Variants in DACH1 observed in about 807,000 individuals in gnomAD.
The protein encoded by DACH1 is dachshund homolog 1.
A neutral mutation model predicts 54.2 loss-of-function variants in DACH1; 12 were observed. The observed-to-expected ratio is 0.22, with a 90% CI of 0.14 to 0.36. The LOEUF is 0.36. Among genes scored for constraint, DACH1 ranks in the 10% least tolerant of loss-of-function variants. The pLI is 1.00. For synonymous variants in DACH1, 386 were observed against 366.2 expected, an observed-to-expected ratio of 1.05 and a Z score of -0.62; for missense variants, 805 against 929.8, an observed-to-expected ratio of 0.87 and a Z score of 1.75.
chr13:71,707,751 G>A (rs1366287380), intron 1 of DACH1, among the ~76,000 whole-genome samples: 2 of 152,100 alleles, frequency 1.3e-5, no homozygotes, highest in Non-Finnish European at 2.9e-5. Flanking sequence ...TGGTGTAAAC[G>A]TAAAGTTGGA....
At chr13:71,843,844 G>T (rs1873046881) in intron 1 of DACH1, among the ~76,000 whole-genome samples, 1 of 152,160 alleles carries the variant, frequency 6.6e-6, no homozygotes, top group Admixed American at 6.5e-5. Context: ...ATATGTTTAT[G>T]GTGCAGGTTA....
intron 1 of DACH1, among the ~76,000 whole-genome samples, chr13:71,753,330 C>G (rs900321868): frequency 6.6e-6 from 1 of 152,148 alleles, no homozygotes; most frequent in Admixed American, 6.5e-5. Flanking sequence ...TTAGTCTACA[C>G]AGTGTATTAC....
intron 2 of DACH1, among the ~76,000 whole-genome samples, chr13:71,632,722 C>T (rs375022912): frequency 6.7e-4 from 102 of 152,190 alleles, no homozygotes; most frequent in African/African-American, 2.2e-3. Context: ...TTCACCCCAA[C>T]GCAACAAGAC....
intron 6 of DACH1, among the ~76,000 whole-genome samples, chr13:71,514,216 C>A (rs900597445): frequency 6.6e-6 from 1 of 151,786 alleles, no homozygotes; most frequent in African/African-American, 2.4e-5. Context: ...ATAGTATAAG[C>A]TAAGAAGTGG....
intron 1 of DACH1, among the ~76,000 whole-genome samples, chr13:71,821,837 C>T (rs989838757): frequency 1.3e-5 from 2 of 151,912 alleles, no homozygotes; most frequent in Admixed American, 1.3e-4. Context: ...CTGAGGCAGG[C>T]GGATCACAAG....
At chr13:71,656,235 G>A (rs1284726525) in intron 2 of DACH1, among the ~76,000 whole-genome samples, 1 of 151,986 alleles carries the variant, frequency 6.6e-6, no homozygotes, top group Non-Finnish European at 1.5e-5. Context: ...TCATTACTTG[G>A]GCATTCCCTG....
chr13:71,488,860 C>A, intron 7 of DACH1, 137 bp downstream of exon 7: 1 of 624,626 alleles, frequency 1.6e-6, no homozygotes, highest in Non-Finnish European at 2.6e-6. Context: ...GGTTTAAAAT[C>A]TAAGTTGCTT....
chr13:71,701,544 T>C (rs997341785), intron 1 of DACH1, among the ~76,000 whole-genome samples: 1 of 151,890 alleles, frequency 6.6e-6, no homozygotes, highest in East Asian at 1.9e-4. Flanking sequence ...AAAAATCAAA[T>C]AAAAAAGGAA....
At chr13:71,652,925 C>T (rs547095885) in intron 2 of DACH1, among the ~76,000 whole-genome samples, 71 of 152,194 alleles carry the variant, frequency 4.7e-4, no homozygotes, top group Middle Eastern at 3.4e-3. Flanking sequence ...ATGACCAGTA[C>T]AGAACATAAT....
chr13:71,741,570 G>A (rs1187906463), intron 1 of DACH1, among the ~76,000 whole-genome samples: 1 of 151,900 alleles, frequency 6.6e-6, no homozygotes, highest in African/African-American at 2.4e-5. Flanking sequence ...CCCTCAAAAT[G>A]CTTGATAAAA....
chr13:71,462,905 CACACACACACAT>C (rs202117318), intron 10 of DACH1, among the ~76,000 whole-genome samples: 8,844 of 104,742 alleles, frequency 0.084, 339 homozygotes, highest in East Asian at 0.2. Flanking sequence ...CACACACACA[CACACACACACAT>C]AAACCATGAA....
chr13:71,483,858 C>T (rs956278751), intron 7 of DACH1, among the ~76,000 whole-genome samples: 2 of 152,050 alleles, frequency 1.3e-5, no homozygotes, highest in African/African-American at 2.4e-5. Context: ...ATCTGCTATA[C>T]AGGTACATAG....
intron 2 of DACH1, among the ~76,000 whole-genome samples, chr13:71,665,827 ATTAT>A (rs1267290603): frequency 6.6e-6 from 1 of 152,108 alleles, no homozygotes; most frequent in Non-Finnish European, 1.5e-5. Flanking sequence ...AAGATTTATA[ATTAT>A]TTATCACTGA....
intron 5 of DACH1, among the ~76,000 whole-genome samples, 157 bp from the exon 6 acceptor site, chr13:71,557,315 T>C (rs534943301): frequency 7.9e-5 from 12 of 152,242 alleles, no homozygotes; most frequent in Non-Finnish European, 1.6e-4. Context: ...CTAAAAACAC[T>C]GTGATAACTG....
intron 7 of DACH1, among the ~76,000 whole-genome samples, chr13:71,482,049 GGT>G (rs1878083618): frequency 6.6e-6 from 1 of 152,126 alleles, no homozygotes; most frequent in Non-Finnish European, 1.5e-5. Flanking sequence ...TACTGAAGTC[GGT>G]TAATGACAAG....
chr13:71,855,648 T>C (rs950102370), intron 1 of DACH1, among the ~76,000 whole-genome samples: 5 of 152,040 alleles, frequency 3.3e-5, no homozygotes, highest in African/African-American at 9.6e-5. Context: ...ATATCTTTTA[T>C]GCATCCAGTT....
intron 6 of DACH1, among the ~76,000 whole-genome samples, chr13:71,520,353 C>T (rs375744082): frequency 2.0e-4 from 31 of 151,498 alleles, no homozygotes; most frequent in Non-Finnish European, 3.0e-5. Context: ...TTGTAAAATG[C>T]TATTGCAATT....
At chr13:71,457,735 TAATAA>T (rs1875707968) in intron 10 of DACH1, among the ~76,000 whole-genome samples, 2 of 151,938 alleles carry the variant, frequency 1.3e-5, no homozygotes, top group African/African-American at 4.8e-5. Flanking sequence ...CTTCTCAGAG[TAATAA>T]AATCAAGATT....
intron 1 of DACH1, among the ~76,000 whole-genome samples, chr13:71,820,156 T>C (rs2138179638): frequency 7.8e-6 from 1 of 127,948 alleles, no homozygotes; most frequent in Non-Finnish European, 1.7e-5. Context: ...AATCACAGAA[T>C]GATATGAAGG....
Sources: allele counts gnomAD v4.1 joint callset (sites outside exome capture counted in the v4.1 genomes callset), GRCh38; gene constraint gnomAD v4.1.1; transcripts MANE v1.5; gene names NCBI Gene and HGNC (gene_info 2026-07-23, HGNC 2026-07-21).